Variants in DDX10 observed in about 807,000 individuals in gnomAD.
DDX10 encodes probable ATP-dependent RNA helicase DDX10.
A neutral mutation model predicts 104.3 loss-of-function variants in DDX10; 74 were observed. The ratio of observed to expected loss-of-function variants is 0.71; its 90% CI spans 0.59 to 0.86. DDX10 has a LOEUF of 0.86. DDX10 is among the 40% of genes least tolerant of loss of function. The pLI, the probability that DDX10 is intolerant of heterozygous loss-of-function variation, is 0.00. For missense variants in DDX10, 952 were observed against 1,040.0 expected, an observed-to-expected ratio of 0.92 and a Z score of 1.16; for synonymous variants, 351 against 353.4, an observed-to-expected ratio of 0.99 and a Z score of 0.08.
chr11:108,824,795 T>C (rs928941322), intron 13 of DDX10, among the ~76,000 whole-genome samples: 2 of 152,220 alleles, frequency 1.3e-5, no homozygotes, highest in African/African-American at 4.8e-5. Flanking sequence ...GCTTTGTTTT[T>C]TTCGAGGGTC....
At chr11:108,807,230 A>G (rs1402093970) in intron 13 of DDX10, among the ~76,000 whole-genome samples, 1 of 152,118 alleles carries the variant, frequency 6.6e-6, no homozygotes, top group Non-Finnish European at 1.5e-5. Context: ...AAAGATTTGT[A>G]GAGTTTAGTG....
At chr11:108,844,061 A>G (rs1862679191) in intron 15 of DDX10, among the ~76,000 whole-genome samples, 2 of 152,348 alleles carry the variant, frequency 1.3e-5, no homozygotes, top group Non-Finnish European at 2.9e-5. Flanking sequence ...AAGGTTGAAC[A>G]GAACAGTTTT....
At chr11:108,785,378 C>T (rs185044479) in intron 13 of DDX10, among the ~76,000 whole-genome samples, 30 of 151,384 alleles carry the variant, frequency 2.0e-4, no homozygotes, top group Admixed American at 6.6e-4. Flanking sequence ...AATATTGGCC[C>T]GAAGCTTTTT....
chr11:108,814,526 TCATAGATTAC>T (rs940868789), intron 13 of DDX10, among the ~76,000 whole-genome samples: 27 of 152,156 alleles, frequency 1.8e-4, no homozygotes, highest in African/African-American at 6.3e-4. Context: ...TTTTTATGCA[TCATAGATTAC>T]CATAGGAGAC....
At chr11:108,757,982 C>T (rs1162787580) in intron 13 of DDX10, among the ~76,000 whole-genome samples, 2 of 151,984 alleles carry the variant, frequency 1.3e-5, no homozygotes, top group Non-Finnish European at 2.9e-5. Flanking sequence ...TCAGACTTCC[C>T]TGTGCTTATG....
chr11:108,680,178 T>C (rs189933485), intron 6 of DDX10, among the ~76,000 whole-genome samples: 4 of 152,332 alleles, frequency 2.6e-5, no homozygotes, highest in Non-Finnish European at 5.9e-5. Context: ...AGTAAAAGTA[T>C]GTATGTTTGT....
intron 13 of DDX10, among the ~76,000 whole-genome samples, chr11:108,803,594 A>AG (rs1189920770): frequency 8.5e-6 from 1 of 117,030 alleles, no homozygotes; most frequent in Non-Finnish European, 1.8e-5. Context: ...AAAAAAAAAA[A>AG]AAAAAAAAGA....
Position 108,715,149 on chromosome 11 carries a change from A to G in DDX10, c.1323-730A>G, listed in dbSNP as rs545103775. 5.9e-5 allele frequency among the ~76,000 whole-genome samples: 9 copies of G among 151,798 alleles called. No individual in the cohort carries two copies. In the Admixed American group the frequency reaches 5.9e-4, roughly 10 times the overall value. ...CTAATTTCTAAATAAGGAAATCACT[A>G]CAATCTTTGGCTACTTGTTTATTAC... is the stretch of plus-strand genomic sequence containing the variant. On this transcript the variant is annotated intron_variant, in intron 10 of 17. Transcript: ENST00000322536.
rs78526933 is a variant in DDX10 at position 108,859,526 on chromosome 11, G to A, written c.2304+7317G>A. Among the ~76,000 whole-genome samples, 1,468 of 152,228 alleles carry A rather than the reference G, an allele frequency of 9.6e-3. 18 individuals are homozygous for A. Among genetic ancestry groups the A allele is most frequent in the African/African-American group, 0.033 (1,374 of 41,544 alleles). ...AGTTGTATTATTAAGTGGTCTGATA[G>A]TCTGTTCAGTTGGGTGGTCATTTAG... On this transcript the variant is annotated intron_variant, in intron 16 of 17. Coordinates refer to ENST00000322536, the MANE Select transcript of DDX10 (RefSeq NM_004398.4).
chr11:108,695,770 T>G (rs2094258970), intron 9 of DDX10, among the ~76,000 whole-genome samples: 1 of 151,928 alleles, frequency 6.6e-6, no homozygotes, highest in Non-Finnish European at 1.5e-5. Context: ...GTTTTTTTTT[T>G]TTGTTTTTTT....
intron 13 of DDX10, among the ~76,000 whole-genome samples, chr11:108,742,985 A>G (rs2094327103): frequency 6.6e-6 from 1 of 152,196 alleles, no homozygotes; most frequent in Non-Finnish European, 1.5e-5. Context: ...ATTCTTACTG[A>G]AACTATTCCA....
At chr11:108,929,848 T>C (rs2134674456) in intron 17 of DDX10, 1 of 152,338 alleles carries the variant, frequency 6.6e-6, no homozygotes, top group East Asian at 1.9e-4. Flanking sequence ...CATCTTTTTA[T>C]TGACTTTCTG....
intron 15 of DDX10, among the ~76,000 whole-genome samples, chr11:108,843,755 GA>G (rs35584339): frequency 0.012 from 1,768 of 142,984 alleles, 26 homozygotes; most frequent in African/African-American, 0.042. Context: ...AGACTCCATC[GA>G]AAAAAAAAAA....
At chr11:108,757,708 C>G (rs1395005057) in intron 13 of DDX10, among the ~76,000 whole-genome samples, 1 of 152,012 alleles carries the variant, frequency 6.6e-6, no homozygotes, top group East Asian at 1.9e-4. Context: ...TTCCCTCTGA[C>G]CCTAATTTCT....
chr11:108,724,709 C>T (rs900824212), intron 13 of DDX10, among the ~76,000 whole-genome samples: 1 of 151,984 alleles, frequency 6.6e-6, no homozygotes, highest in Non-Finnish European at 1.5e-5. Flanking sequence ...ACCAAAGCTT[C>T]AAATTAAGAT....
At chr11:108,860,490 C>T (rs1394689838) in intron 16 of DDX10, 2 of 151,846 alleles carry the variant, frequency 1.3e-5, no homozygotes, top group Non-Finnish European at 2.9e-5. Context: ...GACAGTCAGT[C>T]GTAGGGAGGA....
intron 9 of DDX10, among the ~76,000 whole-genome samples, chr11:108,705,780 G>A (rs1207033187): frequency 6.6e-6 from 1 of 152,084 alleles, no homozygotes; most frequent in Non-Finnish European, 1.5e-5. Flanking sequence ...TTTACTGCTT[G>A]TATGTAATGG....
At chr11:108,933,415 CAA>C (rs1015232845) in intron 17 of DDX10, among the ~76,000 whole-genome samples, 7 of 152,080 alleles carry the variant, frequency 4.6e-5, no homozygotes, top group African/African-American at 1.7e-4. Flanking sequence ...CGAGTTTGGT[CAA>C]AAGAGAGTAT....
intron 13 of DDX10, among the ~76,000 whole-genome samples, chr11:108,831,148 G>A (rs1377101325): frequency 6.6e-6 from 1 of 152,182 alleles, no homozygotes; most frequent in African/African-American, 2.4e-5. Flanking sequence ...GCTTACGCCT[G>A]TAATCCCAGC....
Sources: allele counts gnomAD v4.1 joint callset (sites outside exome capture counted in the v4.1 genomes callset), GRCh38; gene constraint gnomAD v4.1.1; transcripts MANE v1.5; gene names NCBI Gene and HGNC (gene_info 2026-07-23, HGNC 2026-07-21).